Variants in MSRA observed in about 807,000 individuals in gnomAD.
MSRA encodes methionine sulfoxide reductase A.
Under a neutral mutation model 31.3 loss-of-function variants are expected in MSRA, and 54 were observed. The observed-to-expected ratio is 1.73, with a 90% CI of 1.39 to 2.17. The LOEUF (loss-of-function observed/expected upper bound fraction) is 2.17. MSRA is among the 30% of genes most tolerant of loss of function. The pLI, the probability that MSRA is intolerant of heterozygous loss-of-function variation, is 0.00. For missense variants in MSRA, 507 were observed against 300.9 expected, an observed-to-expected ratio of 1.69 and a Z score of -5.07; for synonymous variants, 169 against 116.5, an observed-to-expected ratio of 1.45 and a Z score of -2.90.
chr8:10,226,763 T>G (rs78915467), intron 2 of MSRA, among the ~76,000 whole-genome samples: 2,399 of 152,350 alleles, frequency 0.016, 68 homozygotes, highest in African/African-American at 0.054. Flanking sequence ...TTCTTTACTT[T>G]GCCCCAGGCC....
At chr8:10,128,243 G>C (rs189701700) in intron 1 of MSRA, among the ~76,000 whole-genome samples, 1 of 152,196 alleles carries the variant, frequency 6.6e-6, no homozygotes, top group African/African-American at 2.4e-5. Flanking sequence ...GCCAGGCGTG[G>C]TGGTGGAGGC....
intron 3 of MSRA, among the ~76,000 whole-genome samples, chr8:10,252,932 G>T (rs965061689): frequency 1.3e-5 from 2 of 152,156 alleles, no homozygotes; most frequent in Non-Finnish European, 2.9e-5. Flanking sequence ...AAATCATGTG[G>T]TCTCTCATAC....
intron 1 of MSRA, among the ~76,000 whole-genome samples, chr8:10,075,847 C>A (rs1056291955): frequency 6.6e-6 from 1 of 152,220 alleles, no homozygotes; most frequent in African/African-American, 2.4e-5. Flanking sequence ...TACCACTTTC[C>A]TCTCTTTTCC....
At chr8:10,188,895 A>G (rs992022242) in intron 1 of MSRA, among the ~76,000 whole-genome samples, 2 of 152,224 alleles carry the variant, frequency 1.3e-5, no homozygotes, top group Non-Finnish European at 2.9e-5. Context: ...CAATTCATCA[A>G]TGTCTACAAA....
chr8:10,355,810 C>A (rs187085702), intron 5 of MSRA, among the ~76,000 whole-genome samples: 64 of 152,206 alleles, frequency 4.2e-4, no homozygotes, highest in Non-Finnish European at 8.2e-4. Flanking sequence ...GGAGGCCCAG[C>A]CCTCAGGGGA....
At chr8:10,382,166 T>C (rs1806110355) in intron 5 of MSRA, among the ~76,000 whole-genome samples, 2 of 152,186 alleles carry the variant, frequency 1.3e-5, no homozygotes, top group Admixed American at 1.3e-4. Flanking sequence ...TGGCTGTGGT[T>C]GAGCTGCAGT....
intron 3 of MSRA, among the ~76,000 whole-genome samples, chr8:10,261,930 G>C (rs1007307466): frequency 3.9e-5 from 6 of 152,166 alleles, no homozygotes; most frequent in African/African-American, 1.4e-4. Context: ...GCCTTTTCCA[G>C]AATGTCAAGC....
At chr8:10,417,754 T>G (rs929575539) in intron 5 of MSRA, among the ~76,000 whole-genome samples, 6 of 129,838 alleles carry the variant, frequency 4.6e-5, no homozygotes, top group African/African-American at 1.7e-4. Flanking sequence ...AACCTGCATG[T>G]TGTGTGTGTG....
intron 5 of MSRA, among the ~76,000 whole-genome samples, chr8:10,379,085 A>G (rs929948014): frequency 6.6e-6 from 1 of 151,928 alleles, no homozygotes; most frequent in Non-Finnish European, 1.5e-5. Flanking sequence ...CATAACCTTC[A>G]TATTTGTCAT....
At chr8:10,084,017 A>G (rs1176058730) in intron 1 of MSRA, among the ~76,000 whole-genome samples, 1 of 152,186 alleles carries the variant, frequency 6.6e-6, no homozygotes, top group African/African-American at 2.4e-5. Flanking sequence ...TCGTATCAAT[A>G]TTATGTTTTG....
intron 1 of MSRA, among the ~76,000 whole-genome samples, chr8:10,110,197 C>G (rs1477631589): frequency 6.6e-6 from 1 of 152,172 alleles, no homozygotes; most frequent in Non-Finnish European, 1.5e-5. Context: ...TAATTAATAT[C>G]TTTGTGAAGC....
At chr8:10,215,381 C>G (rs565692474) in intron 2 of MSRA, among the ~76,000 whole-genome samples, 2 of 152,318 alleles carry the variant, frequency 1.3e-5, no homozygotes, top group Admixed American at 6.5e-5. Flanking sequence ...GGACTGTTGT[C>G]AGAGTGTCAG....
intron 5 of MSRA, among the ~76,000 whole-genome samples, chr8:10,365,802 C>T (rs1020619009): frequency 6.6e-6 from 1 of 152,194 alleles, no homozygotes; most frequent in Non-Finnish European, 1.5e-5. Context: ...TGAAGGCACT[C>T]GGAGGTAGAA....
intron 1 of MSRA, among the ~76,000 whole-genome samples, chr8:10,199,206 G>T (rs913462222): frequency 1.3e-5 from 2 of 152,106 alleles, no homozygotes; most frequent in African/African-American, 4.8e-5. Flanking sequence ...GCACTCTAAT[G>T]GGGGATCCCT....
At chr8:10,106,377 A>G (rs1799883650) in intron 1 of MSRA, among the ~76,000 whole-genome samples, 1 of 152,024 alleles carries the variant, frequency 6.6e-6, no homozygotes, top group Non-Finnish European at 1.5e-5. Context: ...TTCTCCACTT[A>G]CTGAATTCTT....
At chr8:10,287,436 C>T (rs1310116936) in intron 3 of MSRA, among the ~76,000 whole-genome samples, 4 of 152,206 alleles carry the variant, frequency 2.6e-5, no homozygotes, top group South Asian at 2.1e-4. Flanking sequence ...AGTGTTACAC[C>T]AATCTAAGGT....
chr8:10,098,854 C>G (rs887937933), intron 1 of MSRA, among the ~76,000 whole-genome samples: 1 of 152,192 alleles, frequency 6.6e-6, no homozygotes, highest in South Asian at 2.1e-4. Flanking sequence ...CTAGATCTTA[C>G]ATATGTCAAA....
intron 5 of MSRA, among the ~76,000 whole-genome samples, chr8:10,342,001 T>G (rs1442667063): frequency 6.6e-6 from 1 of 152,112 alleles, no homozygotes; most frequent in African/African-American, 2.4e-5. Context: ...GTTAGGGGCT[T>G]TGGGGAAGCT....
intron 1 of MSRA, among the ~76,000 whole-genome samples, chr8:10,102,135 T>G (rs531308408): frequency 1.9e-4 from 29 of 152,324 alleles, no homozygotes; most frequent in Non-Finnish European, 3.1e-4. Context: ...TGTATCCTGT[T>G]TGGGGCTCAT....
Sources: allele counts gnomAD v4.1 joint callset (sites outside exome capture counted in the v4.1 genomes callset), GRCh38; gene constraint gnomAD v4.1.1; transcripts MANE v1.5; gene names NCBI Gene and HGNC (gene_info 2026-07-23, HGNC 2026-07-21).